RANBP2: variants seen among roughly 807,000 people sequenced by gnomAD.
The protein encoded by RANBP2 is E3 SUMO-protein ligase RanBP2.
Under a neutral mutation model 303.6 loss-of-function variants are expected in RANBP2, and 57 were observed. That is an observed-to-expected ratio of 0.19 (90% CI 0.15 to 0.23). The LOEUF is 0.23. RANBP2 is among the 10% of genes least tolerant of loss of function. The pLI, the probability that RANBP2 is intolerant of heterozygous loss-of-function variation, is 1.00. For missense variants in RANBP2, 3,138 were observed against 3,780.8 expected (o/e 0.83, Z 4.46); for synonymous variants, 1,167 against 1,301.5 (o/e 0.90, Z 2.23).
chr2:109,719,108 T>TG, the RANBP2 span, among the ~76,000 whole-genome samples: 1 of 150,460 alleles, frequency 6.6e-6, no homozygotes, highest in Non-Finnish European at 1.5e-5. Context: ...TTTTTTTTTT[T>TG]TTTTTGAGAT....
At chr2:109,714,280 T>TG in the RANBP2 span, among the ~76,000 whole-genome samples, 4 of 150,310 alleles carry the variant, frequency 2.7e-5, no homozygotes, top group South Asian at 2.1e-4. Context: ...GTGTGTGTGT[T>TG]TTTCTCTTTT....
the RANBP2 span, chr2:108,895,724 G>A: frequency 6.6e-6 from 1 of 152,234 alleles, no homozygotes; most frequent in Non-Finnish European, 1.5e-5. Context: ...CTGAGGCAGA[G>A]AGAGGAAAAG....
chr2:108,912,847 T>C, the RANBP2 span: 2 of 1,180,660 alleles, frequency 1.7e-6, no homozygotes, highest in Non-Finnish European at 2.4e-6. Flanking sequence ...GGATCTGGAT[T>C]CATGATCATG....
chr2:109,506,245 C>T, the RANBP2 span, among the ~76,000 whole-genome samples: 1 of 152,202 alleles, frequency 6.6e-6, no homozygotes, highest in Non-Finnish European at 1.5e-5. Flanking sequence ...ATCCCTGCCT[C>T]TAACTGACAC....
the RANBP2 span, among the ~76,000 whole-genome samples, chr2:109,521,546 G>A: frequency 6.6e-6 from 1 of 152,236 alleles, no homozygotes; most frequent in South Asian, 2.1e-4. Flanking sequence ...ATCACACGGA[G>A]CTGGCACTCA....
chr2:109,223,028 G>T, the RANBP2 span, among the ~76,000 whole-genome samples: 1 of 152,240 alleles, frequency 6.6e-6, no homozygotes. Flanking sequence ...GTCCGCCCCT[G>T]TGGCCATCAG....
the RANBP2 span, chr2:108,923,384 G>T: frequency 1.1e-5 from 17 of 1,614,168 alleles, no homozygotes; most frequent in Non-Finnish European, 1.4e-5. Flanking sequence ...TGGTGTTGGG[G>T]GGTGCCAGGA....
chr2:109,038,667 T>C, the RANBP2 span, among the ~76,000 whole-genome samples: 1 of 152,182 alleles, frequency 6.6e-6, no homozygotes, highest in South Asian at 2.1e-4. Context: ...TAAAGAACTT[T>C]CGAAATTCAA....
the RANBP2 span, among the ~76,000 whole-genome samples, chr2:109,323,160 G>A: frequency 6.6e-6 from 1 of 152,212 alleles, no homozygotes. Flanking sequence ...CAGAGACAAT[G>A]CAATGGGTGG....
At chr2:109,743,106 A>G in the RANBP2 span, among the ~76,000 whole-genome samples, 3 of 147,676 alleles carry the variant, frequency 2.0e-5, no homozygotes, top group Non-Finnish European at 4.5e-5. Flanking sequence ...CCCCCTGTCT[A>G]CAAAAAATTT....
At chr2:109,208,294 G>C in the RANBP2 span, among the ~76,000 whole-genome samples, 1 of 152,256 alleles carries the variant, frequency 6.6e-6, no homozygotes, top group Non-Finnish European at 1.5e-5. Context: ...GCCACCTGCA[G>C]GTGGGGCATA....
the RANBP2 span, among the ~76,000 whole-genome samples, chr2:108,810,814 C>T: frequency 5.9e-5 from 9 of 152,238 alleles, no homozygotes; most frequent in African/African-American, 1.7e-4. Context: ...CCATTTAGTT[C>T]GGGCTTTTCT....
At chr2:109,667,834 C>T in the RANBP2 span, 1 of 187,176 alleles carries the variant, frequency 5.3e-6, no homozygotes, top group Non-Finnish European at 1.2e-5. Flanking sequence ...GTGCAGAAGG[C>T]CAAGAAGCAG....
At chr2:109,613,820 G>A in the RANBP2 span, 1 of 1,236,082 alleles carries the variant, frequency 8.1e-7, no homozygotes. Context: ...CACCTCGGAG[G>A]AGGCCATGGT....
chr2:109,267,590 G>A, the RANBP2 span, among the ~76,000 whole-genome samples: 6 of 152,164 alleles, frequency 3.9e-5, no homozygotes, highest in Admixed American at 2.6e-4. Context: ...CCCGAGTGCC[G>A]GCTGTGATGG....
the RANBP2 span, among the ~76,000 whole-genome samples, chr2:108,973,830 C>T: frequency 6.6e-6 from 1 of 152,294 alleles, no homozygotes; most frequent in Non-Finnish European, 1.5e-5. Flanking sequence ...GCCCCACAGA[C>T]TTTTGGTTTT....
At chr2:109,546,274 C>A in the RANBP2 span, 1 of 1,416,128 alleles carries the variant, frequency 7.1e-7, no homozygotes, top group East Asian at 2.5e-5. Context: ...ACTGACACAG[C>A]GCGGCAGCAG....
the RANBP2 span, among the ~76,000 whole-genome samples, chr2:109,703,242 G>A: frequency 9.9e-5 from 15 of 152,254 alleles, no homozygotes; most frequent in East Asian, 1.5e-3. Flanking sequence ...AGATTCGCCC[G>A]CTGTTGTTAT....
At chr2:108,930,201 G>A in the RANBP2 span, 20 of 1,613,984 alleles carry the variant, frequency 1.2e-5, no homozygotes, top group East Asian at 8.9e-5. Context: ...CGTTCTCACC[G>A]CAGTTTGAGT....
Sources: allele counts gnomAD v4.1 joint callset (sites outside exome capture counted in the v4.1 genomes callset), GRCh38; gene constraint gnomAD v4.1.1; transcripts MANE v1.5; gene names NCBI Gene and HGNC (gene_info 2026-07-23, HGNC 2026-07-21).